The following BDP1 variants were observed in gnomAD, a reference collection of about 807,000 sequenced individuals.
BDP1 encodes transcription factor TFIIIB component B'' homolog.
BDP1 carries 169 observed loss-of-function variants against 266.6 expected under a neutral mutation model. That is an observed-to-expected ratio of 0.63 (90% CI 0.56 to 0.72). The LOEUF is 0.72. BDP1 is among the 30% of genes least tolerant of loss of function. The pLI is 0.00. For missense variants in BDP1, 3,015 were observed against 3,053.8 expected, an observed-to-expected ratio of 0.99 and a Z score of 0.30; for synonymous variants, 1,090 against 1,022.4, an observed-to-expected ratio of 1.07 and a Z score of -1.26.
At chr5:71,543,496 G>A (rs1767093558) in intron 30 of BDP1, among the ~76,000 whole-genome samples, 1 of 152,094 alleles carries the variant, frequency 6.6e-6, no homozygotes, top group Non-Finnish European at 1.5e-5. Flanking sequence ...GCTACTCAGA[G>A]GTTTGAGCTC....
At chr5:71,569,045 C>T (rs902864059), downstream of BDP1, among the ~76,000 whole-genome samples, 5 of 152,182 alleles carry the variant, frequency 3.3e-5, no homozygotes, top group East Asian at 1.9e-4. Context: ...AGGTACCAAT[C>T]GCCAACTGCA....
intron 19 of BDP1, 106 bp downstream of exon 19, chr5:71,513,513 G>A: frequency 4.1e-6 from 3 of 732,112 alleles, no homozygotes; most frequent in Non-Finnish European, 4.5e-6. Flanking sequence ...ATATTTCTGT[G>A]TAATTTTTGC....
chr5:71,535,588 T>C (rs887505662), intron 26 of BDP1, among the ~76,000 whole-genome samples: 10 of 152,178 alleles, frequency 6.6e-5, no homozygotes, highest in Admixed American at 3.9e-4. Flanking sequence ...CAGGCACTTA[T>C]GGAGATGAGA....
At position 71,544,418 on chromosome 5, in the gene BDP1, A is replaced by G; in HGVS notation, c.6474A>G (p.Thr2158=). The change falls in exon 31 of 39, where the codon ACA becomes ACG. Residue 2158 remains threonine, a synonymous_variant. Transcript: ENST00000358731. The part of the protein sequence containing the change: ...ELENKNLGPV[T]TAENKDQSKL... Reference sequence around the variant, plus strand: ...AAAATAAAAACCTCGGACCAGTTACAACAGCAGAGAATAAGGATCAGAGCA... The same window carrying G: ...AAAATAAAAACCTCGGACCAGTTACGACAGCAGAGAATAAGGATCAGAGCA... The G allele has an allele frequency of 6.2e-7, 1 of 1,614,112 alleles. No individual in the cohort carries two copies. The highest frequency in any genetic ancestry group is 8.5e-7 in the Non-Finnish European group (1 of 1,179,964).
In BDP1 at chr5:71,541,131, G is replaced by GCTGT. The variant is rs10696047; in HGVS notation, c.6023-320_6023-317dup. ...TTTAAAAATCTTAAATGCTGACAGTGCTGTCTTGAAATCCATCTGAGATTA... is the reference window on the plus strand; with the variant it reads ...TTTAAAAATCTTAAATGCTGACAGTGCTGTCTGTCTTGAAATCCATCTGAGATTA... On this transcript the variant is annotated intron_variant, in intron 28 of 38. Transcript: ENST00000358731. Among the ~76,000 whole-genome samples the GCTGT allele has an allele frequency of 0.81, 122,700 of 151,548 alleles. 49,907 individuals are homozygous for GCTGT. Among genetic ancestry groups the GCTGT allele is most frequent in the East Asian group, 0.88 (4,527 of 5,146 alleles).
rs1744092919 is a variant in BDP1 at position 71,567,328 on chromosome 5, A to G, written c.*2443A>G. The G allele has an allele frequency of 6.6e-6, 1 of 152,232 alleles. No individual in the cohort carries two copies. The highest frequency in any genetic ancestry group is 1.5e-5 in the Non-Finnish European group (1 of 68,034). 9.4% of individuals were successfully genotyped at this position (152,232 alleles called of 1,614,324 possible). A position where few individuals can be genotyped will look rare whatever the true frequency, so the allele number is the denominator to read the frequency against. Reference sequence around the variant, plus strand: ...GAAAATGGAATTTCTTACTATATAAAGAATACAGAGACTCATTGTATTAGA... The same window carrying G: ...GAAAATGGAATTTCTTACTATATAAGGAATACAGAGACTCATTGTATTAGA... On this transcript the variant is annotated 3_prime_UTR_variant, in exon 39 of 39. Coordinates refer to ENST00000358731, the MANE Select transcript of BDP1 (RefSeq NM_018429.3).
At chr5:71,505,545 A>G (rs535186658) in intron 16 of BDP1, among the ~76,000 whole-genome samples, 1 of 152,314 alleles carries the variant, frequency 6.6e-6, no homozygotes, top group Admixed American at 6.5e-5. Context: ...AATTACTGGT[A>G]TACTATTTCA....
chr5:71,550,465 AATTTTTT>A (rs1742666689), intron 34 of BDP1, among the ~76,000 whole-genome samples: 1 of 135,244 alleles, frequency 7.4e-6, no homozygotes, highest in Admixed American at 8.6e-5. Flanking sequence ...ATTAAAAAAA[AATTTTTT>A]TTTTCTTTTT....
rs1157881615 is a variant in BDP1, at chr5:71,522,946, C to A, written c.5384C>A (p.Thr1795Lys). Reference protein sequence around the residue: ...VVEEQYLNKLTSCPQPLNETS... With the variant: ...VVEEQYLNKLKSCPQPLNETS... ...GAAGAGCAATATCTCAATAAACTAA[C>A]AAGGTAACATTTTATTTAACAAAAT... The change falls in exon 24 of 39, where the codon ACA becomes AAA. Residue 1795 changes from threonine to lysine, a missense_variant. Transcript: ENST00000358731. The A allele has an allele frequency of 6.4e-7, 1 of 1,567,928 alleles. No homozygotes were observed. Among genetic ancestry groups the A allele is most frequent in the South Asian group, 1.2e-5 (1 of 83,264 alleles).
intron 35 of BDP1, among the ~76,000 whole-genome samples, chr5:71,554,538 T>C (rs189561180): frequency 6.6e-6 from 1 of 152,362 alleles, no homozygotes; most frequent in East Asian, 1.9e-4. Flanking sequence ...TTCAATAATT[T>C]ATCAGCATTC....
rs199691118 is a variant in BDP1, at chr5:71,517,363, C to T, written c.4902C>T (p.Ser1634=). The change falls in exon 22 of 39, where the codon TCC becomes TCT. Residue 1634 remains serine, a synonymous_variant. Coordinates refer to ENST00000358731, the MANE Select transcript of BDP1 (RefSeq NM_018429.3). ...AAACTGAAATTGAAGTTCCATCGTC[C>T]GCAGTTCCAGAACACAGAATGTATG... ...QIETEIEVPS[S]AVPEHRMYEN... The T allele has an allele frequency of 9.4e-4, 1,505 of 1,600,548 alleles. 30 individuals carry two copies. The South Asian group carries it at 0.016, about 17-fold the overall frequency.
intron 13 of BDP1, among the ~76,000 whole-genome samples, chr5:71,497,803 G>A (rs1246236872): frequency 6.6e-6 from 1 of 152,144 alleles, no homozygotes; most frequent in African/African-American, 2.4e-5. Context: ...TTCTGAGACA[G>A]GGTCTTGCTC....
chr5:71,544,711 C>T (rs1742131962), intron 31 of BDP1, among the ~76,000 whole-genome samples: 1 of 151,678 alleles, frequency 6.6e-6, no homozygotes, highest in Non-Finnish European at 1.5e-5. Context: ...AACCCCGTCT[C>T]TACTAAAAAA....
Position 71,489,528 on chromosome 5 carries a change from A to G in BDP1, c.1338A>G (p.Ser446=). 1 of 1,614,136 alleles carries G rather than the reference A, an allele frequency of 6.2e-7. No individual in the cohort carries two copies. The highest frequency in any genetic ancestry group is 1.1e-5 in the South Asian group (1 of 91,082). Residue 446 remains serine, a synonymous_variant, in exon 10 of 39, where the codon TCA becomes TCG. Coordinates refer to ENST00000358731, the MANE Select transcript of BDP1 (RefSeq NM_018429.3). ...QTVEEESLTL[S]REDAEQVALE... ...TTGAAGAAGAGTCTCTGACCTTATCAAGGGAGGATGCAGAGCAGGTTGCAT... is the reference window on the plus strand; with the variant it reads ...TTGAAGAAGAGTCTCTGACCTTATCGAGGGAGGATGCAGAGCAGGTTGCAT...
chr5:71,467,540 C>T, intron 6 of BDP1, 53 bp downstream of exon 6: 1 of 1,446,676 alleles, frequency 6.9e-7, no homozygotes, highest in Admixed American at 1.9e-5. Flanking sequence ...AATGAATTGA[C>T]TGTTTCTGAA....
rs747175088 is a variant in BDP1, at chr5:71,542,251, T to G, written c.6398T>G (p.Met2133Arg). 1.9e-6 allele frequency: 3 copies of G among 1,609,036 alleles called. No homozygotes were observed. The highest frequency in any genetic ancestry group is 2.5e-6 in the Non-Finnish European group (3 of 1,178,796). Residue 2133 changes from methionine (M) to arginine (R), a missense_variant, in exon 30 of 39, where the codon ATG becomes AGG. By Grantham distance (91) the Met-to-Arg change is moderately conservative. Around this residue, in one of 3 missense-constraint regions of BDP1, gnomAD observed 629 missense variants for 632.5 expected, o/e 0.99. Transcript: ENST00000358731. The part of the protein sequence containing the change: ...SSLCVTKGAE[M>R]ETQRETEKNA... ...TTGTGTGTAACCAAAGGGGCAGAAA[T>G]GGAAACTCAAAGAGGTAAATTTTAT... is the stretch of plus-strand genomic sequence containing the variant.
rs151008216 is a variant in BDP1 at position 71,493,466 on chromosome 5, G to T, written c.1641-1784G>T. ...TTTAGTAGAGATGTTTTCCAGGCTG[G>T]TCTCAAACTCCTGGGCTCAAGCAAT... is the stretch of plus-strand genomic sequence containing the variant. On this transcript the variant is annotated intron_variant, in intron 11 of 38. Coordinates refer to ENST00000358731, the MANE Select transcript of BDP1 (RefSeq NM_018429.3). 1.5e-3 allele frequency among the ~76,000 whole-genome samples: 227 copies of T among 152,144 alleles called. 1 individual carries two copies. In the Middle Eastern group the frequency reaches 0.031, roughly 21 times the overall value.
At chr5:71,568,693 C>T (rs1744163996), downstream of BDP1, among the ~76,000 whole-genome samples, 1 of 152,240 alleles carries the variant, frequency 6.6e-6, no homozygotes, top group South Asian at 2.1e-4. Flanking sequence ...GGCTCCTGAA[C>T]TTTAACAGTA....
At chr5:71,520,287 A>G (rs1415363040) in intron 22 of BDP1, among the ~76,000 whole-genome samples, 1 of 152,100 alleles carries the variant, frequency 6.6e-6, no homozygotes, top group Non-Finnish European at 1.5e-5. Context: ...TCCCTGTGCT[A>G]TGCATTGAAA....
Sources: allele counts gnomAD v4.1 joint callset (sites outside exome capture counted in the v4.1 genomes callset), GRCh38; gene constraint gnomAD v4.1.1; regional missense constraint gnomAD v4.1.1; transcripts MANE v1.5; gene names NCBI Gene and HGNC (gene_info 2026-07-23, HGNC 2026-07-21).